The following SRRM4 variants were observed in gnomAD, a reference collection of about 807,000 sequenced individuals.
The protein encoded by SRRM4 is serine/arginine repetitive matrix 4.
Under a neutral mutation model 68.9 loss-of-function variants are expected in SRRM4, and 33 were observed. The ratio of observed to expected loss-of-function variants is 0.48; its 90% CI spans 0.36 to 0.64. The LOEUF is 0.64. Ranked by LOEUF, SRRM4 falls within the 30% of genes least tolerant of loss-of-function variation. The pLI is 0.00. For missense variants in SRRM4, 817 were observed against 827.1 expected, an observed-to-expected ratio of 0.99 and a Z score of 0.15; for synonymous variants, 318 against 318.8, an observed-to-expected ratio of 1.00 and a Z score of 0.03.
At chr12:119,050,178 A>G (rs1953733492) in intron 1 of SRRM4, among the ~76,000 whole-genome samples, 2 of 152,206 alleles carry the variant, frequency 1.3e-5, no homozygotes, top group Admixed American at 1.3e-4. Context: ...GTCAACAATT[A>G]TTTATTAAGC....
chr12:119,041,072 C>T (rs575028128), intron 1 of SRRM4, among the ~76,000 whole-genome samples: 8 of 152,026 alleles, frequency 5.3e-5, no homozygotes, highest in African/African-American at 1.7e-4. Context: ...ATTGACTACT[C>T]GTTATATCCA....
chr12:119,062,505 C>T (rs1368714707), intron 1 of SRRM4, among the ~76,000 whole-genome samples: 1 of 152,132 alleles, frequency 6.6e-6, no homozygotes, highest in Non-Finnish European at 1.5e-5. Flanking sequence ...AATGCAAACA[C>T]ACTGTGCAGC....
rs573401305 is a variant in SRRM4 at position 119,115,316 on chromosome 12, A to T, written c.365+952A>T. 1.4e-3 allele frequency among the ~76,000 whole-genome samples: 220 copies of T among 152,124 alleles called. 1 individual carries two copies. The highest frequency in any genetic ancestry group is 5.1e-3 in the African/African-American group (213 of 41,498). On this transcript the variant is annotated intron_variant, in intron 3 of 12. Coordinates refer to ENST00000267260, the MANE Select transcript of SRRM4 (RefSeq NM_194286.4). Reference sequence around the variant, plus strand: ...TTTTTCTACGTCCAATTCCTTTAAAATTTTTTTATATTTAAAATGATTTCC... The same window carrying T: ...TTTTTCTACGTCCAATTCCTTTAAATTTTTTTTATATTTAAAATGATTTCC...
chr12:119,060,649 A>G (rs909135901), intron 1 of SRRM4, among the ~76,000 whole-genome samples: 16 of 151,980 alleles, frequency 1.1e-4, no homozygotes, highest in African/African-American at 3.9e-4. Flanking sequence ...CCAAAAGAAC[A>G]AAAGAATGAG....
chr12:118,996,614 T>A (rs1953351364), intron 1 of SRRM4, among the ~76,000 whole-genome samples: 1 of 152,166 alleles, frequency 6.6e-6, no homozygotes, highest in Non-Finnish European at 1.5e-5. Context: ...TAAACGAAGC[T>A]CTGTGTTAGG....
At chr12:119,128,767 C>G (rs896700911) in intron 7 of SRRM4, among the ~76,000 whole-genome samples, 3 of 152,218 alleles carry the variant, frequency 2.0e-5, no homozygotes, top group Non-Finnish European at 2.9e-5. Context: ...TGAATTATCT[C>G]TCGGCAGCTA....
At chr12:119,104,450 G>A (rs1411940309) in intron 2 of SRRM4, among the ~76,000 whole-genome samples, 1 of 139,646 alleles carries the variant, frequency 7.2e-6, no homozygotes, top group Non-Finnish European at 1.6e-5. Flanking sequence ...GATAATAAAA[G>A]TAATCATAAT....
At chr12:119,130,598 C>A in intron 7 of SRRM4, 80 bp from the exon 8 acceptor site, 1 of 1,393,294 alleles carries the variant, frequency 7.2e-7, no homozygotes, top group Non-Finnish European at 9.7e-7. Flanking sequence ...TTATCATCCT[C>A]AGATCCTGTT....
chr12:119,067,079 G>C (rs1953850498), intron 1 of SRRM4, among the ~76,000 whole-genome samples: 3 of 151,792 alleles, frequency 2.0e-5, no homozygotes, highest in Admixed American at 1.3e-4. Flanking sequence ...TCACAATTCT[G>C]TCACTCACTC....
chr12:119,118,295 A>G (rs1392281887), intron 4 of SRRM4, among the ~76,000 whole-genome samples: 1 of 152,256 alleles, frequency 6.6e-6, no homozygotes, highest in African/African-American at 2.4e-5. Context: ...GCTTATCCGT[A>G]TCATCCAATT....
At chr12:119,009,635 C>G (rs889025755) in intron 1 of SRRM4, among the ~76,000 whole-genome samples, 6 of 152,194 alleles carry the variant, frequency 3.9e-5, no homozygotes, top group Admixed American at 3.3e-4. Context: ...TGGAGTTCTT[C>G]TGTGCAAAAT....
In SRRM4 at chr12:119,137,595, AGAGAGAGAGAGAG is replaced by A. The variant is rs1299684372; in HGVS notation, c.771+6762_771+6774del. Among the ~76,000 whole-genome samples the A allele has an allele frequency of 1.2e-3, 19 of 16,332 alleles. No individual in the cohort carries two copies. In the East Asian group the frequency reaches 0.063, roughly 55 times the overall value. The allele number at this position is 16,332 out of a possible 152,430, so 10.7% of individuals were successfully genotyped here. On this transcript the variant is annotated intron_variant, in intron 8 of 12. Coordinates refer to ENST00000267260, the MANE Select transcript of SRRM4 (RefSeq NM_194286.4). Reference sequence around the variant, plus strand: ...GAGGCGAGGTTTGGAGTGGAGAGAGAGAGAGAGAGAGAGAGAGAGAGAGAGAGAGAGAGAGAGA... The same window carrying A: ...GAGGCGAGGTTTGGAGTGGAGAGAGAAGAGAGAGAGAGAGAGAGAGAGAGA...
chr12:119,111,759 G>C (rs1954145027), intron 2 of SRRM4, among the ~76,000 whole-genome samples: 1 of 152,146 alleles, frequency 6.6e-6, no homozygotes, highest in South Asian at 2.1e-4. Flanking sequence ...GAAATAATTT[G>C]GTGGCCGGGC....
chr12:119,034,151 G>C (rs11069231), intron 1 of SRRM4, among the ~76,000 whole-genome samples: 27,983 of 152,134 alleles, frequency 0.18, 2,776 homozygotes, highest in East Asian at 0.4. Flanking sequence ...CTGCAAGGAG[G>C]TCTCAGTGGA....
chr12:119,141,606 C>A (rs531839722), intron 8 of SRRM4, among the ~76,000 whole-genome samples: 1 of 152,216 alleles, frequency 6.6e-6, no homozygotes, highest in South Asian at 2.1e-4. Flanking sequence ...GTTGTCTCTA[C>A]AATAAATGAA....
intron 1 of SRRM4, among the ~76,000 whole-genome samples, chr12:119,053,892 C>T (rs1953760598): frequency 6.6e-6 from 1 of 152,092 alleles, no homozygotes; most frequent in South Asian, 2.1e-4. Flanking sequence ...ACAGACAATC[C>T]AATTATACTC....
intron 1 of SRRM4, among the ~76,000 whole-genome samples, chr12:119,027,983 T>C (rs755285935): frequency 2.6e-5 from 4 of 152,238 alleles, no homozygotes; most frequent in Non-Finnish European, 5.9e-5. Flanking sequence ...CTTAAACATA[T>C]GCATGCAGGT....
chr12:119,135,481 T>A (rs1954322426), intron 8 of SRRM4, among the ~76,000 whole-genome samples: 3 of 152,216 alleles, frequency 2.0e-5, no homozygotes, highest in African/African-American at 7.2e-5. Flanking sequence ...ATGAAATTTG[T>A]AAACTGGAAG....
At chr12:119,092,182 C>T (rs1227913859) in intron 1 of SRRM4, among the ~76,000 whole-genome samples, 1 of 152,142 alleles carries the variant, frequency 6.6e-6, no homozygotes. Flanking sequence ...CTGGAGCTTA[C>T]CTCCCTCCTC....
Sources: gnomAD v4.1 joint callset for allele counts (sites outside exome capture counted in the v4.1 genomes callset) on GRCh38, gnomAD v4.1.1 for gene constraint, MANE v1.5 for transcripts, NCBI Gene and HGNC (gene_info 2026-07-23, HGNC 2026-07-21) for gene names.